RC3H2: variants seen among roughly 807,000 people sequenced by gnomAD.
The protein encoded by RC3H2 is ring finger and CCCH-type domains 2.
RC3H2 carries 31 observed loss-of-function variants against 133.3 expected under a neutral mutation model. That is an observed-to-expected ratio of 0.23 (90% CI 0.17 to 0.31). The LOEUF is 0.31. RC3H2 is among the 10% of genes least tolerant of loss of function. RC3H2 has a pLI of 1.00. For synonymous variants in RC3H2, 517 were observed against 502.2 expected (o/e 1.03, Z -0.40); for missense variants, 1,175 against 1,437.2 (o/e 0.82, Z 2.95).
chr9:122,851,207 C>A lies in RC3H2; in HGVS notation c.3254G>T (p.Gly1085Val). The A allele has an allele frequency of 6.2e-7, 1 of 1,614,042 alleles. No homozygotes were observed. The highest frequency in any genetic ancestry group is 8.5e-7 in the Non-Finnish European group (1 of 1,179,928). Residue 1085 changes from glycine (G) to valine (V), a missense_variant, in exon 20 of 21, where the codon GGT becomes GTT. By Grantham distance (109) the Gly-to-Val change is moderately radical. Coordinates refer to ENST00000357244, the MANE Select transcript of RC3H2 (RefSeq NM_001100588.3). Reference protein sequence around the residue: ...PIEEILDIQLGISSQNDQLLN... With the variant: ...PIEEILDIQLVISSQNDQLLN... ...CAACTGATCATTTTGAGAACTGATACCAAGCTGTATGTCCAAGATCTCCTA... is the reference window on the plus strand; with the variant it reads ...CAACTGATCATTTTGAGAACTGATAACAAGCTGTATGTCCAAGATCTCCTA...
At chr9:122,851,023 T>A in intron 20 of RC3H2, 58 bp downstream of exon 20, 1 of 1,581,908 alleles carries the variant, frequency 6.3e-7, no homozygotes, top group Non-Finnish European at 8.6e-7. Context: ...ATTTCGCATT[T>A]TTTTCTCTTT....
At position 122,855,376 on chromosome 9, in the gene RC3H2, T is replaced by C; in HGVS notation, c.2623A>G (p.Lys875Glu). 5.0e-6 allele frequency: 8 copies of C among 1,613,428 alleles called. No homozygotes were observed. The highest frequency in any genetic ancestry group is 6.8e-6 in the Non-Finnish European group (8 of 1,179,974). ...VLMDLDSGDVKRRVHLFETQR... is the reference protein window; with the variant it reads ...VLMDLDSGDVERRVHLFETQR... The stretch of plus-strand genomic sequence containing the variant: ...GTTTCAAATAAATGTACTCTTCTCT[T>C]AACATCACCACTGTCCAGGTCCTAT... The change falls in exon 15 of 21, where the codon AAG becomes GAG. Residue 875 changes from lysine to glutamate, a missense_variant. Around this residue, in one of 8 missense-constraint regions of RC3H2, gnomAD observed 138 missense variants for 215.0 expected, o/e 0.64. Transcript: ENST00000357244.
In RC3H2 at chr9:122,857,948, A is replaced by T; in HGVS notation, c.2429T>A (p.Leu810Gln). 6.2e-7 allele frequency: 1 copy of T among 1,614,192 alleles called. No homozygotes were observed. Among genetic ancestry groups the T allele is most frequent in the Non-Finnish European group, 8.5e-7 (1 of 1,179,984 alleles). ...ATCCGCACGAAAGTCTACACTGAAC[A>T]GAGGAGAAGGTGGTGTTGGTGACTG... is the stretch of plus-strand genomic sequence containing the variant. ...ATQSPTPPSP[L>Q]FSVDFRADFS... Residue 810 changes from leucine (L) to glutamine (Q), a missense_variant, in exon 13 of 21, where the codon CTG becomes CAG. Leu to Gln is a moderately radical substitution (Grantham distance 113, BLOSUM62 -2). This residue lies in a region of RC3H2 where 490 missense variants were observed against 492.8 expected (regional missense o/e 0.99). Coordinates refer to ENST00000357244, the MANE Select transcript of RC3H2 (RefSeq NM_001100588.3).
intron 9 of RC3H2, chr9:122,874,745 C>T (rs1302745038): frequency 6.3e-6 from 1 of 157,726 alleles, no homozygotes; most frequent in Non-Finnish European, 1.4e-5. Flanking sequence ...GTCTCAAACT[C>T]CTGGACTCAA....
At chr9:122,868,229 G>A (rs1399450704) in intron 9 of RC3H2, among the ~76,000 whole-genome samples, 5 of 152,174 alleles carry the variant, frequency 3.3e-5, no homozygotes, top group South Asian at 4.1e-4. Context: ...CCACCACCCC[G>A]TCTGGGAGGT....
intron 12 of RC3H2, among the ~76,000 whole-genome samples, chr9:122,858,436 T>C (rs1322966928): frequency 1.3e-5 from 2 of 152,250 alleles, no homozygotes; most frequent in Non-Finnish European, 2.9e-5. Flanking sequence ...TTAACATGTA[T>C]GAGGCCCAGT....
At chr9:122,880,880 G>A (rs184685995) in intron 5 of RC3H2, 86 bp from the exon 6 acceptor site, 1 of 923,676 alleles carries the variant, frequency 1.1e-6, no homozygotes, top group South Asian at 1.4e-5. Flanking sequence ...AGGGAGGGTG[G>A]GGGATACTTA....
Position 122,905,309 on chromosome 9 carries a change from T to TCCG in RC3H2, c.-270_-268dup, listed in dbSNP as rs910583739. 1.3e-4 allele frequency: 128 copies of TCCG among 984,678 alleles called. No homozygotes were observed. Among genetic ancestry groups the TCCG allele is most frequent in the Non-Finnish European group, 1.4e-4 (118 of 829,112 alleles). 61.0% of individuals were successfully genotyped at this position (984,678 alleles called of 1,614,324 possible). A position where few individuals can be genotyped will look rare whatever the true frequency, so the allele number is the denominator to read the frequency against. On this transcript the variant is annotated 5_prime_UTR_variant, in exon 1 of 21. Coordinates refer to ENST00000357244, the MANE Select transcript of RC3H2 (RefSeq NM_001100588.3). ...GGGGCCTCCTCCTCCTCCCTCCACCTCCGCCTCCTCCTCCTCCTCCTCCTC... is the reference window on the plus strand; with the variant it reads ...GGGGCCTCCTCCTCCTCCCTCCACCTCCGCCGCCTCCTCCTCCTCCTCCTCCTC...
chr9:122,850,435 T>TATAGATAGATAGATAGATAG (rs6151170), intron 20 of RC3H2, among the ~76,000 whole-genome samples: 16,303 of 149,856 alleles, frequency 0.11, 1,359 homozygotes, highest in East Asian at 0.3. Flanking sequence ...GCTATCTATC[T>TATAGATAGATAGATAGATAG]ATAGATAGAT....
chr9:122,858,673 G>T lies in RC3H2; in HGVS notation c.2279C>A (p.Pro760Gln). ...PSEPRTTVPL[P>Q]REPCGHLKTS... ...TATAGTAGCATCTTCACTTACCCTT[G>T]GTAAAGGCACAGTTGTCCTTGGCTC... The change falls in exon 12 of 21, where the codon CCA becomes CAA. Residue 760 changes from proline (P) to glutamine (Q), a missense_variant. Transcript: ENST00000357244. The T allele has an allele frequency of 1.2e-6, 2 of 1,606,082 alleles. No individual in the cohort carries two copies. The highest frequency in any genetic ancestry group is 2.2e-5 in the South Asian group (2 of 90,982).
intron 1 of RC3H2, among the ~76,000 whole-genome samples, chr9:122,902,810 C>T (rs1832705134): frequency 6.8e-6 from 1 of 146,328 alleles, no homozygotes; most frequent in Non-Finnish European, 1.5e-5. Flanking sequence ...CGAATGGTGC[C>T]ACTGCACTCC....
At chr9:122,853,414 A>G (rs189502469) in intron 18 of RC3H2, among the ~76,000 whole-genome samples, 2 of 150,440 alleles carry the variant, frequency 1.3e-5, no homozygotes, top group African/African-American at 4.9e-5. Flanking sequence ...TACTGATTTT[A>G]TACCTGTGGA....
Position 122,859,043 on chromosome 9 carries a change from C to G in RC3H2, c.1909G>C (p.Val637Leu). The G allele has an allele frequency of 6.2e-7, 1 of 1,609,986 alleles. No individual in the cohort carries two copies. Among genetic ancestry groups the G allele is most frequent in the African/African-American group, 1.3e-5 (1 of 74,962 alleles). Reference protein sequence around the residue: ...AGVAPCVPRFVRSNNVPESSL... With the variant: ...AGVAPCVPRFLRSNNVPESSL... ...GACTCTGGAACGTTATTGGACCTCACAAAGCGAGGAACACAGGGAGCCACA... is the reference window on the plus strand; with the variant it reads ...GACTCTGGAACGTTATTGGACCTCAGAAAGCGAGGAACACAGGGAGCCACA... Residue 637 changes from valine (V) to leucine (L), a missense_variant, in exon 12 of 21, where the codon GTG (valine) becomes CTG (leucine). Val to Leu is a conservative substitution (Grantham distance 32). Coordinates refer to ENST00000357244, the MANE Select transcript of RC3H2 (RefSeq NM_001100588.3).
At chr9:122,865,734 G>T in intron 9 of RC3H2, 77 bp from the exon 10 acceptor site, 3 of 1,240,616 alleles carry the variant, frequency 2.4e-6, no homozygotes, top group East Asian at 4.7e-5. Flanking sequence ...AATGGGCAAT[G>T]GGAATAGATT....
At chr9:122,856,001 A>G (rs1024902491) in intron 13 of RC3H2, 123 bp from the exon 14 acceptor site, 5 of 656,274 alleles carry the variant, frequency 7.6e-6, no homozygotes, top group African/African-American at 1.8e-5. Flanking sequence ...TACTTTTTCA[A>G]TAACTAATAT....
In RC3H2 at chr9:122,856,813, C is replaced by T. The variant is rs183808359; in HGVS notation, c.2455-935G>A. The stretch of plus-strand genomic sequence containing the variant: ...AAAAGTTAAAAAACTTTTCTCAAGT[C>T]GAACTCAGCAGATCGGAGTCTCAGG... On this transcript the variant is annotated intron_variant, in intron 13 of 20. Coordinates refer to ENST00000357244, the MANE Select transcript of RC3H2 (RefSeq NM_001100588.3). Among the ~76,000 whole-genome samples the T allele has an allele frequency of 5.9e-5, 9 of 152,226 alleles. 1 individual carries two copies. Among genetic ancestry groups the T allele is most frequent in the Admixed American group, 3.3e-4 (5 of 15,282 alleles).
chr9:122,877,374 G>T, intron 9 of RC3H2, 97 bp downstream of exon 9: 1 of 933,602 alleles, frequency 1.1e-6, no homozygotes, highest in Non-Finnish European at 1.7e-6. Flanking sequence ...CCCTTAACTT[G>T]CATTTTTGAA....
chr9:122,881,623 G>C (rs1831638892), intron 5 of RC3H2, among the ~76,000 whole-genome samples: 1 of 152,128 alleles, frequency 6.6e-6, no homozygotes, highest in Non-Finnish European at 1.5e-5. Context: ...AGGGAATTTG[G>C]ATATTATTAT....
At chr9:122,860,574 C>A (rs148303140) in intron 10 of RC3H2, among the ~76,000 whole-genome samples, 2 of 151,912 alleles carry the variant, frequency 1.3e-5, no homozygotes, top group East Asian at 3.9e-4. Flanking sequence ...CCACCACACT[C>A]GGCTAATTTT....
Sources: allele counts gnomAD v4.1 joint callset (sites outside exome capture counted in the v4.1 genomes callset), GRCh38; gene constraint gnomAD v4.1.1; regional missense constraint gnomAD v4.1.1; transcripts MANE v1.5; gene names NCBI Gene and HGNC (gene_info 2026-07-23, HGNC 2026-07-21).